The following KIRREL3 variants were observed in gnomAD, a reference collection of about 807,000 sequenced individuals.
The protein encoded by KIRREL3 is kin of IRRE-like protein 3.
Under a neutral mutation model 89.7 loss-of-function variants are expected in KIRREL3, and 36 were observed. The observed-to-expected ratio is 0.40, with a 90% confidence interval of 0.31 to 0.53. The LOEUF is 0.53. Ranked by LOEUF, KIRREL3 falls within the 20% of genes least tolerant of loss-of-function variation. The pLI is 0.49. For synonymous variants in KIRREL3, 445 were observed against 441.4 expected, an observed-to-expected ratio of 1.01 and a Z score of -0.10; for missense variants, 864 against 1,056.6, an observed-to-expected ratio of 0.82 and a Z score of 2.53.
chr11:126,984,778 G>A (rs563519007), intron 1 of KIRREL3, among the ~76,000 whole-genome samples: 14 of 152,224 alleles, frequency 9.2e-5, no homozygotes, highest in African/African-American at 3.1e-4. Context: ...ATGTGAGCCC[G>A]CAGGAAGTGC....
intron 1 of KIRREL3, among the ~76,000 whole-genome samples, chr11:126,852,779 C>T (rs896912009): frequency 1.5e-4 from 23 of 152,186 alleles, no homozygotes; most frequent in Non-Finnish European, 2.8e-4. Context: ...AAAGGTCCCC[C>T]GGCAAGGCAA....
At chr11:126,895,092 T>C (rs1305856089) in intron 1 of KIRREL3, among the ~76,000 whole-genome samples, 1 of 152,132 alleles carries the variant, frequency 6.6e-6, no homozygotes, top group East Asian at 1.9e-4. Flanking sequence ...GATTCTTGGT[T>C]CTCAAATGTT....
Position 126,729,032 on chromosome 11 carries a change from G to A in KIRREL3, c.56-166120C>T, listed in dbSNP as rs967962614. On this transcript the variant is annotated intron_variant, in intron 1 of 16. Coordinates refer to ENST00000525144, the MANE Select transcript of KIRREL3 (RefSeq NM_032531.4). This position sits in a 1 kb window ranked among gnomAD's most constrained non-coding sequence, Gnocchi z 4.5. The stretch of plus-strand genomic sequence containing the variant: ...GGAGGCTTTTGGGGCAGGCATGCCT[G>A]TTGCAGGCTTGGAGTGGGCCCTGGG... Among the ~76,000 whole-genome samples, 1 of 152,234 alleles carries A rather than the reference G, an allele frequency of 6.6e-6. No individual in the cohort carries two copies. The highest frequency in any genetic ancestry group is 2.4e-5 in the African/African-American group (1 of 41,476).
Position 126,649,033 on chromosome 11 carries a change from T to C in KIRREL3, c.56-86121A>G, listed in dbSNP as rs537140562. On this transcript the variant is annotated intron_variant, in intron 1 of 16. Coordinates refer to ENST00000525144, the MANE Select transcript of KIRREL3 (RefSeq NM_032531.4). ...AATCATGGAGGGAGGTGAAAGGCAC[T>C]TCTTAAATGGAGATGGCAAGAGAAA... 9.2e-4 allele frequency among the ~76,000 whole-genome samples: 140 copies of C among 152,334 alleles called. 1 individual carries two copies. The highest frequency in any genetic ancestry group is 1.7e-3 in the Non-Finnish European group (118 of 68,038).
Position 126,734,062 on chromosome 11 carries a change from G to A in KIRREL3, c.56-171150C>T, listed in dbSNP as rs1373928438. Among the ~76,000 whole-genome samples, 1 of 152,144 alleles carries A rather than the reference G, an allele frequency of 6.6e-6. No individual in the cohort carries two copies. The highest frequency in any genetic ancestry group is 1.5e-5 in the Non-Finnish European group (1 of 68,030). ...TGGGCTGTCAGCATGAGGATCACCT[G>A]GGAGCCCCACTCCAGAACTACTGAG... is the stretch of plus-strand genomic sequence containing the variant. On this transcript the variant is annotated intron_variant, in intron 1 of 16. Transcript: ENST00000525144. The surrounding 1 kb of genome is among the most constrained non-coding windows in gnomAD (Gnocchi z 5.9).
intron 1 of KIRREL3, among the ~76,000 whole-genome samples, chr11:126,821,706 C>T (rs1258430511): frequency 2.0e-5 from 3 of 151,940 alleles, no homozygotes; most frequent in Non-Finnish European, 2.9e-5. Context: ...TATCCTGGGC[C>T]ATCTCGGTGG....
chr11:126,886,852 T>C (rs1207992605), intron 1 of KIRREL3, among the ~76,000 whole-genome samples: 5 of 152,144 alleles, frequency 3.3e-5, no homozygotes, highest in Non-Finnish European at 5.9e-5. Flanking sequence ...AGAATAATGG[T>C]CACATTCCTT....
chr11:126,654,215 A>G (rs919221219), intron 1 of KIRREL3, among the ~76,000 whole-genome samples: 1 of 152,142 alleles, frequency 6.6e-6, no homozygotes, highest in African/African-American at 2.4e-5. Context: ...CACTGGGGAC[A>G]CTGATTTTAT....
chr11:126,947,841 G>A (rs1948661619), intron 1 of KIRREL3, among the ~76,000 whole-genome samples: 3 of 152,158 alleles, frequency 2.0e-5, no homozygotes, highest in Non-Finnish European at 4.4e-5. Flanking sequence ...ATCAGACATT[G>A]GTATAATCTT....
rs1231751012 is a variant in KIRREL3, at chr11:126,796,151, T to C, written c.55+204304A>G. Among the ~76,000 whole-genome samples, 1 of 151,902 alleles carries C rather than the reference T, an allele frequency of 6.6e-6. No homozygotes were observed. The highest frequency in any genetic ancestry group is 1.5e-5 in the Non-Finnish European group (1 of 67,988). ...GCAATAAAGTTGGAATCCTGAACAT[T>C]CTTTTCAGTCTCTAGAGGTCATGAA... On this transcript the variant is annotated intron_variant, in intron 1 of 16. Transcript: ENST00000525144. This position sits in a 1 kb window ranked among gnomAD's most constrained non-coding sequence, Gnocchi z 5.1.
chr11:126,728,815 C>G (rs145606544), intron 1 of KIRREL3, among the ~76,000 whole-genome samples: 1 of 152,228 alleles, frequency 6.6e-6, no homozygotes, highest in African/African-American at 2.4e-5. Flanking sequence ...CCTCTCTTCT[C>G]TCCTGCATTA....
At position 126,879,467 on chromosome 11, in the gene KIRREL3, C is replaced by T. The variant is rs975744566; in HGVS notation, c.55+120988G>A. Among the ~76,000 whole-genome samples the T allele has an allele frequency of 3.9e-5, 6 of 152,186 alleles. No individual in the cohort carries two copies. Among genetic ancestry groups the T allele is most frequent in the Non-Finnish European group, 8.8e-5 (6 of 68,040 alleles). On this transcript the variant is annotated intron_variant, in intron 1 of 16. Coordinates refer to ENST00000525144, the MANE Select transcript of KIRREL3 (RefSeq NM_032531.4). This position sits in a 1 kb window ranked among gnomAD's most constrained non-coding sequence, Gnocchi z 5.4. ...GGGCCCCAGCTGATTTGATGTCATGCCGTTAAGATAACTATAGGTCCTTCT... is the reference window on the plus strand; with the variant it reads ...GGGCCCCAGCTGATTTGATGTCATGTCGTTAAGATAACTATAGGTCCTTCT...
rs1947411290 is a variant in KIRREL3 at position 126,703,813 on chromosome 11, C to A, written c.56-140901G>T. On this transcript the variant is annotated intron_variant, in intron 1 of 16. Transcript: ENST00000525144. This position sits in a 1 kb window ranked among gnomAD's most constrained non-coding sequence, Gnocchi z 4.6. The stretch of plus-strand genomic sequence containing the variant: ...GCAGAATGTGGTTGGATCCTTCTCT[C>A]TTGGCTCTGTCATCCTTGCCTTGGG... Among the ~76,000 whole-genome samples the A allele has an allele frequency of 6.6e-6, 1 of 152,200 alleles. No individual in the cohort carries two copies. The highest frequency in any genetic ancestry group is 1.5e-5 in the Non-Finnish European group (1 of 68,016).
At chr11:126,716,171 A>G (rs1947954051) in intron 1 of KIRREL3, among the ~76,000 whole-genome samples, 1 of 151,978 alleles carries the variant, frequency 6.6e-6, no homozygotes, top group South Asian at 2.1e-4. Context: ...AAGAAAGAGT[A>G]AGGTTAGAAT....
chr11:126,833,459 T>C (rs1422837368), intron 1 of KIRREL3, among the ~76,000 whole-genome samples: 3 of 152,240 alleles, frequency 2.0e-5, no homozygotes, highest in Admixed American at 2.0e-4. Flanking sequence ...TTTTGCTGTA[T>C]TAGCCAAGTG....
intron 1 of KIRREL3, among the ~76,000 whole-genome samples, chr11:126,952,332 C>A (rs1401784876): frequency 6.6e-6 from 1 of 152,054 alleles, no homozygotes; most frequent in Non-Finnish European, 1.5e-5. Context: ...TTGCTGTGAG[C>A]TGAGATCATG....
Position 126,948,686 on chromosome 11 carries a change from G to A in KIRREL3, c.55+51769C>T, listed in dbSNP as rs1253434933. ...TCTGGCTAGGATTTCCACCTCCTCAGGGAGTCTGCCTTGACTGGATGGAAA... is the reference window on the plus strand; with the variant it reads ...TCTGGCTAGGATTTCCACCTCCTCAAGGAGTCTGCCTTGACTGGATGGAAA... On this transcript the variant is annotated intron_variant, in intron 1 of 16. Transcript: ENST00000525144. The surrounding 1 kb of genome is among the most constrained non-coding windows in gnomAD (Gnocchi z 4.5). Among the ~76,000 whole-genome samples the A allele has an allele frequency of 6.6e-6, 1 of 152,166 alleles. No homozygotes were observed. Among genetic ancestry groups the A allele is most frequent in the African/African-American group, 2.4e-5 (1 of 41,432 alleles).
chr11:126,864,923 C>T (rs1204531341), intron 1 of KIRREL3, among the ~76,000 whole-genome samples: 2 of 152,126 alleles, frequency 1.3e-5, no homozygotes, highest in African/African-American at 4.8e-5. Context: ...TTCCTACTGG[C>T]CTTAGGTGTG....
chr11:126,828,281 A>C (rs1284378908), intron 1 of KIRREL3, among the ~76,000 whole-genome samples: 1 of 152,154 alleles, frequency 6.6e-6, no homozygotes, highest in Non-Finnish European at 1.5e-5. Flanking sequence ...TTCTGAGCTG[A>C]GAAGCCATGC....
Sources: allele counts gnomAD v4.1 joint callset (sites outside exome capture counted in the v4.1 genomes callset), GRCh38; gene constraint gnomAD v4.1.1; non-coding constraint Gnocchi (gnomAD v3.1); transcripts MANE v1.5; gene names NCBI Gene and HGNC (gene_info 2026-07-23, HGNC 2026-07-21).